THADA: variants seen among roughly 807,000 people sequenced by gnomAD.
THADA encodes the protein tRNA (32-2'-O)-methyltransferase regulator THADA.
Under a neutral mutation model 219.8 loss-of-function variants are expected in THADA, and 213 were observed. That is an observed-to-expected ratio of 0.97 (90% CI 0.87 to 1.09). The LOEUF is 1.09. Among genes scored for constraint, THADA ranks in the 50% least tolerant of loss-of-function variants. The pLI, the probability that THADA is intolerant of heterozygous loss-of-function variation, is 0.00. For missense variants in THADA, 2,956 were observed against 2,311.3 expected, an observed-to-expected ratio of 1.28 and a Z score of -5.72; for synonymous variants, 1,018 against 828.9, an observed-to-expected ratio of 1.23 and a Z score of -3.92.
intron 36 of THADA, among the ~76,000 whole-genome samples, chr2:43,257,064 C>T (rs1253559075): frequency 1.3e-5 from 2 of 152,158 alleles, no homozygotes; most frequent in East Asian, 1.9e-4. Flanking sequence ...AAAACGCCTC[C>T]CATCTGGTAG....
intron 36 of THADA, among the ~76,000 whole-genome samples, chr2:43,266,616 A>G (rs1330300922): frequency 1.3e-5 from 2 of 152,144 alleles, no homozygotes. Flanking sequence ...AACAAAAAAC[A>G]AAAAACAACA....
chr2:43,425,446 A>ATGTGTGTGTGTG lies in THADA; in HGVS notation c.4058+2642_4058+2653dup, dbSNP rs70963396. ...CTACTGTCTAGCTTGTTAAAATTGTATGTGTGTGTGTGTGTGTGTGTGTGT... is the reference window on the plus strand; with the variant it reads ...CTACTGTCTAGCTTGTTAAAATTGTATGTGTGTGTGTGTGTGTGTGTGTGTGTGTGTGTGTGT... On this transcript the variant is annotated intron_variant, in intron 28 of 37. Coordinates refer to ENST00000405975, the MANE Select transcript of THADA (RefSeq NM_022065.5). Among the ~76,000 whole-genome samples the ATGTGTGTGTGTG allele has an allele frequency of 1.8e-3, 257 of 140,504 alleles. 1 individual carries two copies. The highest frequency in any genetic ancestry group is 6.1e-3 in the African/African-American group (227 of 37,034). The allele number at this position is 140,504 out of a possible 152,430, so 92.2% of individuals were successfully genotyped here.
At chr2:43,465,664 A>C (rs1370018725) in intron 26 of THADA, among the ~76,000 whole-genome samples, 2 of 152,144 alleles carry the variant, frequency 1.3e-5, no homozygotes, top group Non-Finnish European at 2.9e-5. Flanking sequence ...TTAAATACTG[A>C]TGCTTCCCTG....
chr2:43,286,611 G>C (rs1674042885), intron 35 of THADA, among the ~76,000 whole-genome samples: 1 of 152,032 alleles, frequency 6.6e-6, no homozygotes, highest in Non-Finnish European at 1.5e-5. Context: ...TTTGGTGATG[G>C]CTACTCAGGA....
rs981224459 is a variant in THADA, at chr2:43,505,491, T to C, written c.3621+131A>G. On this transcript the variant is annotated intron_variant, in intron 24 of 37. Coordinates refer to ENST00000405975, the MANE Select transcript of THADA (RefSeq NM_022065.5). ...ATTGCTTGAACCTGGGAGGCGAAGG[T>C]TGCAGTGAGCTGAGATCGCGCCACT... is the stretch of plus-strand genomic sequence containing the variant. The C allele has an allele frequency of 1.1e-5, 6 of 537,472 alleles. No homozygotes were observed. The East Asian group carries it at 1.3e-4, about 12-fold the overall frequency. 33.3% of individuals were successfully genotyped at this position (537,472 alleles called of 1,614,324 possible).
Position 43,415,400 on chromosome 2 carries a change from G to C in THADA, c.4058+12700C>G, listed in dbSNP as rs1362807704. ...TGGAGTCACATCTGGCCCTTCCAGT[G>C]GCATCATTCCTAGGGAAAAAGGGAC... On this transcript the variant is annotated intron_variant, in intron 28 of 37. Transcript: ENST00000405975. 1.1e-4 allele frequency among the ~76,000 whole-genome samples: 16 copies of C among 152,118 alleles called. No homozygotes were observed. In the South Asian group the frequency reaches 2.1e-3, roughly 20 times the overall value.
At chr2:43,242,300 T>C (rs980647183) in intron 36 of THADA, among the ~76,000 whole-genome samples, 7 of 152,188 alleles carry the variant, frequency 4.6e-5, no homozygotes, top group African/African-American at 1.4e-4. Flanking sequence ...CATTTTCCCA[T>C]TGGGGAAAAA....
At chr2:43,258,927 A>G (rs1186200555) in intron 36 of THADA, among the ~76,000 whole-genome samples, 3 of 152,182 alleles carry the variant, frequency 2.0e-5, no homozygotes, top group Non-Finnish European at 4.4e-5. Context: ...CAGGGCTCAC[A>G]TTGGGACTAT....
intron 26 of THADA, among the ~76,000 whole-genome samples, chr2:43,449,857 T>A (rs958133812): frequency 6.6e-6 from 1 of 152,166 alleles, no homozygotes; most frequent in Admixed American, 6.5e-5. Context: ...TAGAAGGCAG[T>A]GGGCTGATAT....
chr2:43,293,411 T>C (rs1471025010), intron 31 of THADA, among the ~76,000 whole-genome samples, 198 bp from the exon 32 acceptor site: 2 of 152,174 alleles, frequency 1.3e-5, no homozygotes, highest in Non-Finnish European at 2.9e-5. Flanking sequence ...AGGTAATGTA[T>C]AATTTTTCCA....
intron 16 of THADA, among the ~76,000 whole-genome samples, chr2:43,559,979 A>ACCT (rs1225515339): frequency 6.6e-6 from 1 of 151,958 alleles, no homozygotes; most frequent in Non-Finnish European, 1.5e-5. Context: ...AAAACCTACC[A>ACCT]CCTCCTACAC....
At chr2:43,387,787 T>C (rs1418083911) in intron 29 of THADA, among the ~76,000 whole-genome samples, 1 of 152,052 alleles carries the variant, frequency 6.6e-6, no homozygotes, top group Admixed American at 6.5e-5. Context: ...CAACAAAGAA[T>C]GTCAAGAGTG....
At chr2:43,585,787 T>TAACA in intron 7 of THADA, among the ~76,000 whole-genome samples, 1 of 152,012 alleles carries the variant, frequency 6.6e-6, no homozygotes, top group South Asian at 2.1e-4. Flanking sequence ...TAAAACAGGA[T>TAACA]GCTATGAAAA....
intron 29 of THADA, among the ~76,000 whole-genome samples, chr2:43,386,160 G>C (rs1672654205): frequency 6.6e-6 from 1 of 152,026 alleles, no homozygotes; most frequent in South Asian, 2.1e-4. Flanking sequence ...GAAAAAAAAA[G>C]TGGAGGATGA....
At chr2:43,264,460 T>C (rs1354839332) in intron 36 of THADA, among the ~76,000 whole-genome samples, 1 of 152,052 alleles carries the variant, frequency 6.6e-6, no homozygotes, top group African/African-American at 2.4e-5. Context: ...TAATTTTGTA[T>C]TTTTAGTAGA....
At chr2:43,554,579 C>G (rs975781252) in intron 17 of THADA, among the ~76,000 whole-genome samples, 1 of 151,958 alleles carries the variant, frequency 6.6e-6, no homozygotes, top group African/African-American at 2.4e-5. Flanking sequence ...TATTAGTAAT[C>G]AGAAAAATGT....
intron 29 of THADA, among the ~76,000 whole-genome samples, chr2:43,386,467 A>T (rs745814638): frequency 6.6e-6 from 1 of 152,224 alleles, no homozygotes; most frequent in African/African-American, 2.4e-5. Context: ...AATAATAAGG[A>T]TATGCTTTTA....
chr2:43,349,514 C>A (rs556007379), intron 29 of THADA, among the ~76,000 whole-genome samples: 1 of 152,284 alleles, frequency 6.6e-6, no homozygotes, highest in East Asian at 1.9e-4. Context: ...TTGTGTTAGA[C>A]AAGATCAAGA....
chr2:43,525,367 G>T (rs1668941802), intron 22 of THADA, among the ~76,000 whole-genome samples: 1 of 152,196 alleles, frequency 6.6e-6, no homozygotes, highest in African/African-American at 2.4e-5. Flanking sequence ...AAGGTAGACT[G>T]AATCCAGGCT....
Sources: gnomAD v4.1 joint callset for allele counts (sites outside exome capture counted in the v4.1 genomes callset) on GRCh38, gnomAD v4.1.1 for gene constraint, MANE v1.5 for transcripts, NCBI Gene and HGNC (gene_info 2026-07-23, HGNC 2026-07-21) for gene names.